Variants in PTPRG observed in about 807,000 individuals in gnomAD.
PTPRG encodes the protein receptor-type tyrosine-protein phosphatase gamma.
Under a neutral mutation model 165.3 loss-of-function variants are expected in PTPRG, and 102 were observed. The observed-to-expected ratio is 0.62, with a 90% CI of 0.53 to 0.73. The LOEUF is 0.73. Among genes scored for constraint, PTPRG ranks in the 30% least tolerant of loss-of-function variants. PTPRG has a pLI of 0.00. For missense variants in PTPRG, 1,866 were observed against 1,861.4 expected, an observed-to-expected ratio of 1.00 and a Z score of -0.05; for synonymous variants, 675 against 669.5, an observed-to-expected ratio of 1.01 and a Z score of -0.13.
At chr3:62,187,254 T>A (rs1391828236) in intron 8 of PTPRG, among the ~76,000 whole-genome samples, 1 of 152,214 alleles carries the variant, frequency 6.6e-6, no homozygotes, top group Non-Finnish European at 1.5e-5. Context: ...AGCAGGCCTG[T>A]CAGCCTGTGC....
chr3:62,243,973 C>CTG, intron 15 of PTPRG, 75 bp downstream of exon 15: 1 of 921,630 alleles, frequency 1.1e-6, no homozygotes, highest in Non-Finnish European at 1.7e-6. Flanking sequence ...TGTGATAAAA[C>CTG]AACAAAATAT....
chr3:61,955,603 G>C (rs958868096), intron 2 of PTPRG, among the ~76,000 whole-genome samples: 1 of 152,100 alleles, frequency 6.6e-6, no homozygotes, highest in African/African-American at 2.4e-5. Context: ...AAACCTGGCT[G>C]TTCCATTATA....
chr3:61,652,769 C>A (rs961019633), intron 1 of PTPRG, among the ~76,000 whole-genome samples: 3 of 152,164 alleles, frequency 2.0e-5, no homozygotes, highest in Non-Finnish European at 4.4e-5. Context: ...TTCCTGGCCT[C>A]CACTCACTGG....
chr3:61,567,112 G>A (rs988318540), intron 1 of PTPRG, among the ~76,000 whole-genome samples: 2 of 152,284 alleles, frequency 1.3e-5, no homozygotes, highest in South Asian at 2.1e-4. Context: ...TTAGATGTTG[G>A]GTGGTGGTCA....
At chr3:61,796,280 C>T (rs902364658) in intron 2 of PTPRG, among the ~76,000 whole-genome samples, 11 of 152,166 alleles carry the variant, frequency 7.2e-5, no homozygotes, top group African/African-American at 2.7e-4. Flanking sequence ...CTGAGCATCC[C>T]CCTTAATCTT....
chr3:62,092,509 A>G (rs1274338896), intron 5 of PTPRG, among the ~76,000 whole-genome samples: 1 of 151,958 alleles, frequency 6.6e-6, no homozygotes. Flanking sequence ...CTCAATGCCT[A>G]TCACAGAGAG....
intron 1 of PTPRG, among the ~76,000 whole-genome samples, chr3:61,614,250 A>G (rs78223054): frequency 0.028 from 4,335 of 152,156 alleles, 101 homozygotes; most frequent in East Asian, 0.089. Flanking sequence ...TGGGGTTGCC[A>G]CAATGGCAGA....
At chr3:62,186,691 G>T (rs1306116314) in intron 8 of PTPRG, among the ~76,000 whole-genome samples, 1 of 150,028 alleles carries the variant, frequency 6.7e-6, no homozygotes, top group Non-Finnish European at 1.5e-5. Context: ...TTAGCCTCCT[G>T]AGTAGCTGGG....
chr3:61,729,540 C>G (rs2365948), intron 1 of PTPRG, among the ~76,000 whole-genome samples: 1 of 152,030 alleles, frequency 6.6e-6, no homozygotes, highest in South Asian at 2.1e-4. Context: ...TCTGCTTTCA[C>G]AGACAAGGGA....
At chr3:61,574,259 G>C (rs1194570354) in intron 1 of PTPRG, among the ~76,000 whole-genome samples, 1 of 152,172 alleles carries the variant, frequency 6.6e-6, no homozygotes, top group Non-Finnish European at 1.5e-5. Flanking sequence ...CTTTGTGCAG[G>C]TTGGACTAGG....
rs555295190 is a variant in PTPRG at position 62,177,299 on chromosome 3, T to G, written c.1033+9136T>G. Among the ~76,000 whole-genome samples, 4 of 152,046 alleles carry G rather than the reference T, an allele frequency of 2.6e-5. No individual in the cohort carries two copies. The East Asian group carries it at 5.8e-4, about 22-fold the overall frequency. On this transcript the variant is annotated intron_variant, in intron 8 of 29. Transcript: ENST00000474889. ...GAGACCCTGTCTCAAAACATAATAG[T>G]AATAAAATAGAGATAATAATCATAC... is the stretch of plus-strand genomic sequence containing the variant.
chr3:61,747,122 C>A (rs74845678), intron 1 of PTPRG, among the ~76,000 whole-genome samples: 1 of 150,452 alleles, frequency 6.6e-6, no homozygotes, highest in Non-Finnish European at 1.5e-5. Context: ...GACCCTGTTT[C>A]AAAAAAAAAA....
intron 4 of PTPRG, among the ~76,000 whole-genome samples, chr3:62,039,868 T>C (rs1230288193): frequency 6.6e-6 from 1 of 152,154 alleles, no homozygotes; most frequent in Non-Finnish European, 1.5e-5. Flanking sequence ...TGCTAATCAT[T>C]AAGTATGTTT....
chr3:61,971,398 A>G (rs2040380113), intron 2 of PTPRG, among the ~76,000 whole-genome samples: 1 of 152,144 alleles, frequency 6.6e-6, no homozygotes, highest in Non-Finnish European at 1.5e-5. Context: ...CAGGAAGAAA[A>G]TCCTTTTCTC....
intron 8 of PTPRG, among the ~76,000 whole-genome samples, chr3:62,175,429 A>C (rs1359995199): frequency 2.0e-5 from 3 of 152,198 alleles, no homozygotes; most frequent in Admixed American, 2.0e-4. Context: ...CATCCTGGGC[A>C]ACATAGTAAG....
At chr3:61,787,535 G>C (rs2034743479) in intron 2 of PTPRG, among the ~76,000 whole-genome samples, 3 of 152,192 alleles carry the variant, frequency 2.0e-5, no homozygotes, top group Admixed American at 1.3e-4. Flanking sequence ...GTGAAGTAAA[G>C]AGCCCCTAAG....
intron 1 of PTPRG, among the ~76,000 whole-genome samples, chr3:61,718,391 G>C (rs2031907435): frequency 6.6e-6 from 1 of 152,108 alleles, no homozygotes; most frequent in Non-Finnish European, 1.5e-5. Context: ...AAAATGCCAG[G>C]TTGATTGAAA....
chr3:61,713,327 A>ATTTTTTTTTTTTTTTTTTTTTT (rs556907427), intron 1 of PTPRG, among the ~76,000 whole-genome samples: 2 of 135,504 alleles, frequency 1.5e-5, no homozygotes, highest in Non-Finnish European at 3.2e-5. Flanking sequence ...CGCTCAGCTA[A>ATTTTTTTTTTTTTTTTTTTTTT]TTTTTTTTTT....
chr3:62,216,545 C>T (rs79676118), intron 12 of PTPRG, among the ~76,000 whole-genome samples: 3 of 151,962 alleles, frequency 2.0e-5, no homozygotes, highest in South Asian at 2.1e-4. Context: ...GATTCCCCCC[C>T]CTCCCCCACC....
Sources: allele counts gnomAD v4.1 joint callset (sites outside exome capture counted in the v4.1 genomes callset), GRCh38; gene constraint gnomAD v4.1.1; transcripts MANE v1.5; gene names NCBI Gene and HGNC (gene_info 2026-07-23, HGNC 2026-07-21).